Variants in HGS observed in about 807,000 individuals in gnomAD.
HGS encodes the protein human growth factor-regulated tyrosine kinase substrate.
In HGS, 63 loss-of-function variants were observed where a neutral mutation model predicts 109.7. The observed-to-expected ratio is 0.57, with a 90% CI of 0.47 to 0.71. The LOEUF (loss-of-function observed/expected upper bound fraction) is 0.71. Ranked by LOEUF, HGS falls within the 30% of genes least tolerant of loss-of-function variation. HGS has a pLI of 0.00. For missense variants in HGS, 995 were observed against 1,068.3 expected (o/e 0.93, Z 0.96); for synonymous variants, 546 against 437.3 (o/e 1.25, Z -3.10).
At chr17:81,695,704 C>A in intron 14 of HGS, 82 bp from the exon 15 acceptor site, 1 of 1,229,666 alleles carries the variant, frequency 8.1e-7, no homozygotes, top group Non-Finnish European at 1.2e-6. Context: ...TTGAGTATAG[C>A]TGGGTGCCTC....
intron 3 of HGS, among the ~76,000 whole-genome samples, 172 bp from the exon 4 acceptor site, chr17:81,686,831 C>T (rs995703893): frequency 6.7e-6 from 1 of 149,808 alleles, no homozygotes; most frequent in Non-Finnish European, 1.5e-5. Flanking sequence ...GGTTCCCCTC[C>T]GGCCACTGAC....
At chr17:81,690,159 T>C in intron 5 of HGS, 23 bp from the exon 6 acceptor site, 1 of 1,609,320 alleles carries the variant, frequency 6.2e-7, no homozygotes, top group Non-Finnish European at 8.5e-7. Flanking sequence ...GAGCAGGCAG[T>C]GACTATGGCT....
At chr17:81,689,617 G>A (rs2037034087) in intron 5 of HGS, among the ~76,000 whole-genome samples, 1 of 152,196 alleles carries the variant, frequency 6.6e-6, no homozygotes, top group Non-Finnish European at 1.5e-5. Context: ...GCAGGCTCCA[G>A]GGGTGGTGCG....
Position 81,701,718 on chromosome 17 carries a change from G to C in HGS, c.*100G>C. ...CCTGCCTCCCTGTCCTCTACTGCCGGTAGTGTCCCTTCTCTGCGAGTGAGG... is the reference window on the plus strand; with the variant it reads ...CCTGCCTCCCTGTCCTCTACTGCCGCTAGTGTCCCTTCTCTGCGAGTGAGG... On this transcript the variant is annotated 3_prime_UTR_variant, in exon 22 of 22. Coordinates refer to ENST00000329138, the MANE Select transcript of HGS (RefSeq NM_004712.5). 1 of 1,461,002 alleles carries C rather than the reference G, an allele frequency of 6.8e-7. No individual in the cohort carries two copies. The highest frequency in any genetic ancestry group is 1.4e-5 in the South Asian group (1 of 73,582). The allele number at this position is 1,461,002 out of a possible 1,614,324, so 90.5% of individuals were successfully genotyped here.
chr17:81,691,634 C>G lies in HGS; in HGVS notation c.662+63C>G. ...AGGCTCTCCAGGCTGGGTTTTCTGT[C>G]CCTCTTGGCCATGGTGCCTGAGGCC... On this transcript the variant is annotated intron_variant, in intron 8 of 21. Transcript: ENST00000329138. This position sits in a 1 kb window ranked among gnomAD's most constrained non-coding sequence, Gnocchi z 5.3. 2 of 1,603,700 alleles carry G rather than the reference C, an allele frequency of 1.2e-6. No individual in the cohort carries two copies. Among genetic ancestry groups the G allele is most frequent in the Non-Finnish European group, 1.7e-6 (2 of 1,173,586 alleles).
In HGS at chr17:81,691,405, C is replaced by A; in HGVS notation, c.538-42C>A. On this transcript the variant is annotated intron_variant, in intron 7 of 21. Transcript: ENST00000329138. This position sits in a 1 kb window ranked among gnomAD's most constrained non-coding sequence, Gnocchi z 5.3. ...TCTGGGCCGGGTGGCGCATCAGGGT[C>A]CCCCAGTGCCTGTGACCAGGCCCGC... 1 of 1,610,874 alleles carries A rather than the reference C, an allele frequency of 6.2e-7. No individual in the cohort carries two copies. The highest frequency in any genetic ancestry group is 1.1e-5 in the South Asian group (1 of 90,966).
intron 14 of HGS, 70 bp downstream of exon 14, chr17:81,695,293 C>A: frequency 6.7e-7 from 1 of 1,489,370 alleles, no homozygotes; most frequent in Non-Finnish European, 9.4e-7. Flanking sequence ...AGGCACATGG[C>A]ACAGGTGCCT....
intron 14 of HGS, 56 bp from the exon 15 acceptor site, chr17:81,695,730 C>T (rs2037135292): frequency 1.9e-6 from 3 of 1,560,694 alleles, no homozygotes; most frequent in Non-Finnish European, 2.6e-6. Context: ...CAGGCCCCAC[C>T]AGGGAGGCTG....
At chr17:81,698,925 G>A in intron 18 of HGS, among the ~76,000 whole-genome samples, 1 of 152,112 alleles carries the variant, frequency 6.6e-6, no homozygotes, top group East Asian at 1.9e-4. Context: ...AAATTAGCCA[G>A]GCGTGATGGT....
At chr17:81,688,496 C>T (rs1277579668) in intron 4 of HGS, among the ~76,000 whole-genome samples, 6 of 152,154 alleles carry the variant, frequency 3.9e-5, no homozygotes, top group African/African-American at 1.2e-4. Flanking sequence ...TTGTTTGGCT[C>T]CAGCAAGTAG....
Position 81,696,968 on chromosome 17 carries a change from C to T in HGS, c.1852C>T (p.Pro618Ser). Residue 618 changes from proline (P) to serine (S), a missense_variant, in exon 18 of 22, where the codon CCC (proline) becomes TCC (serine). Physicochemically the swap from Pro to Ser is moderately conservative, Grantham distance 74. Transcript: ENST00000329138. The part of the protein sequence containing the change: ...YMSQPAPAAG[P>S]YPSMPSTAAD... ...GAGCCAGCCGGCCCCTGCCGCTGGC[C>T]CCTACCCCAGCATGCCCAGCACTGC... 6.3e-7 allele frequency: 1 copy of T among 1,599,616 alleles called. No individual in the cohort carries two copies. Among genetic ancestry groups the T allele is most frequent in the Non-Finnish European group, 8.5e-7 (1 of 1,176,438 alleles).
chr17:81,701,988 T>G lies in HGS; in HGVS notation c.*370T>G. The G allele has an allele frequency of 5.1e-6, 1 of 196,970 alleles. No individual in the cohort carries two copies. The allele number at this position is 196,970 out of a possible 1,614,324, so 12.2% of individuals were successfully genotyped here. ...GTGGTGTCTGGGTGTGGCCTGGGGCTCCCTCTGCAGGGGCCTCTCTCGGCA... is the reference window on the plus strand; with the variant it reads ...GTGGTGTCTGGGTGTGGCCTGGGGCGCCCTCTGCAGGGGCCTCTCTCGGCA... On this transcript the variant is annotated 3_prime_UTR_variant, in exon 22 of 22. Coordinates refer to ENST00000329138, the MANE Select transcript of HGS (RefSeq NM_004712.5).
At chr17:81,689,566 C>T (rs1386064403) in intron 5 of HGS, among the ~76,000 whole-genome samples, 1 of 152,114 alleles carries the variant, frequency 6.6e-6, no homozygotes, top group Non-Finnish European at 1.5e-5. Flanking sequence ...CTCTGTGGCC[C>T]TGAGTCTGCT....
At chr17:81,696,056 A>T in intron 15 of HGS, 57 bp downstream of exon 15, 3 of 1,434,120 alleles carry the variant, frequency 2.1e-6, no homozygotes, top group Admixed American at 2.3e-5. Context: ...TGTGAGCGCC[A>T]TCCTGGGCCA....
chr17:81,694,057 G>A, intron 11 of HGS, 92 bp downstream of exon 11: 1 of 1,094,644 alleles, frequency 9.1e-7, no homozygotes, highest in South Asian at 1.5e-5. Context: ...TCAGGTTGGT[G>A]GGGGATGCGG....
At chr17:81,700,384 A>G (rs1232523684) in intron 18 of HGS, 83 bp from the exon 19 acceptor site, 3 of 1,388,096 alleles carry the variant, frequency 2.2e-6, no homozygotes, top group Admixed American at 5.1e-5. Flanking sequence ...AAAAAAAAAA[A>G]AGTAAAACTC....
At chr17:81,686,423 T>C (rs766994783) in intron 3 of HGS, 36 bp downstream of exon 3, 1 of 1,496,980 alleles carries the variant, frequency 6.7e-7, no homozygotes, top group Admixed American at 1.7e-5. Context: ...GCCCCCAGGG[T>C]CCCTACCCCC....
intron 7 of HGS, among the ~76,000 whole-genome samples, chr17:81,690,996 G>A (rs1343540711): frequency 1.3e-5 from 2 of 152,208 alleles, no homozygotes; most frequent in Non-Finnish European, 2.9e-5. Context: ...TACAGGCCTT[G>A]CCACAGTCAC....
Position 81,701,734 on chromosome 17 carries a change from G to A in HGS, c.*116G>A. On this transcript the variant is annotated 3_prime_UTR_variant, in exon 22 of 22. Transcript: ENST00000329138. ...CTACTGCCGGTAGTGTCCCTTCTCT[G>A]CGAGTGAGGGGGGGCCTTCACCCCA... 5.7e-6 allele frequency: 8 copies of A among 1,414,080 alleles called. No homozygotes were observed. The highest frequency in any genetic ancestry group is 7.5e-6 in the Non-Finnish European group (8 of 1,069,288). 87.6% of individuals were successfully genotyped at this position (1,414,080 alleles called of 1,614,324 possible). A position where few individuals can be genotyped will look rare whatever the true frequency, so the allele number is the denominator to read the frequency against.
Sources: allele counts gnomAD v4.1 joint callset (sites outside exome capture counted in the v4.1 genomes callset), GRCh38; gene constraint gnomAD v4.1.1; non-coding constraint Gnocchi (gnomAD v3.1); transcripts MANE v1.5; gene names NCBI Gene and HGNC (gene_info 2026-07-23, HGNC 2026-07-21).